The following AOPEP variants were observed in gnomAD, a reference collection of about 807,000 sequenced individuals.
AOPEP encodes the protein aminopeptidase O (putative).
A neutral mutation model predicts 98.1 loss-of-function variants in AOPEP; 77 were observed. The observed-to-expected ratio is 0.78, with a 90% CI of 0.65 to 0.95. The LOEUF is 0.95. AOPEP is among the 40% of genes least tolerant of loss of function. The probability of loss-of-function intolerance (pLI) is 0.00; values close to 1 mark genes in which losing one functional copy is unlikely to be tolerated. For missense variants in AOPEP, 1,024 were observed against 1,024.7 expected (o/e 1.00, Z 0.01); for synonymous variants, 346 against 365.3 (o/e 0.95, Z 0.60).
At position 95,086,406 on chromosome 9, in the gene AOPEP, T is replaced by TA. The variant is rs2070705508; in HGVS notation, c.*5-275dup. ...TGAGCTGAGACTTTCTGAGAACAGT[T>TA]AGAGTGGGTGCGTGTCTGAAATGGG... On this transcript the variant is annotated intron_variant, in intron 16 of 16. Coordinates refer to ENST00000375315, the MANE Select transcript of AOPEP (RefSeq NM_001193329.3). 17 of 985,338 alleles carry TA rather than the reference T, an allele frequency of 1.7e-5. No individual in the cohort carries two copies. The South Asian group carries it at 1.9e-4, about 11-fold the overall frequency. The allele number at this position is 985,338 out of a possible 1,614,324, so 61.0% of individuals were successfully genotyped here.
At chr9:94,939,796 A>T (rs1009113052) in intron 7 of AOPEP, among the ~76,000 whole-genome samples, 5 of 152,172 alleles carry the variant, frequency 3.3e-5, no homozygotes, top group African/African-American at 1.2e-4. Context: ...CCAAAATCTC[A>T]GGATGCATAG....
Position 94,977,537 on chromosome 9 carries a change from A to G in AOPEP, c.1917-1830A>G, listed in dbSNP as rs148817666. Among the ~76,000 whole-genome samples the G allele has an allele frequency of 1.6e-4, 24 of 152,262 alleles. No homozygotes were observed. In the East Asian group the frequency reaches 3.5e-3, roughly 22 times the overall value. ...GGTAAATAAAGCTTAAAAAAGAACA[A>G]TGACCTCATAGAAGGTGCTCTGAGA... On this transcript the variant is annotated intron_variant, in intron 10 of 16. Transcript: ENST00000375315.
At chr9:95,087,482 CA>C (rs746666179), downstream of AOPEP, among the ~76,000 whole-genome samples, 449 of 37,404 alleles carry the variant, frequency 0.012, no homozygotes, top group East Asian at 0.052. Context: ...GACTCCATCT[CA>C]AAAAAAAAAA....
chr9:94,763,583 T>C (rs761385195), intron 2 of AOPEP, among the ~76,000 whole-genome samples: 2 of 152,178 alleles, frequency 1.3e-5, no homozygotes, highest in Non-Finnish European at 2.9e-5. Context: ...TCTTAGTTTC[T>C]GATACCATTT....
intron 5 of AOPEP, among the ~76,000 whole-genome samples, chr9:94,869,026 C>T (rs957243280): frequency 6.6e-5 from 10 of 151,980 alleles, no homozygotes; most frequent in Non-Finnish European, 1.5e-5. Context: ...GTCAGGAGTT[C>T]GAGACCAGCC....
At chr9:94,903,912 A>AAAT (rs59958809) in intron 5 of AOPEP, among the ~76,000 whole-genome samples, 38 of 149,094 alleles carry the variant, frequency 2.5e-4, no homozygotes, top group African/African-American at 9.2e-4. Context: ...AAAAAAAAAA[A>AAAT]GTTCAAAAAA....
chr9:95,090,839 A>G (rs2070857271), downstream of AOPEP, among the ~76,000 whole-genome samples: 1 of 152,244 alleles, frequency 6.6e-6, no homozygotes. Flanking sequence ...ATTTTAAAGC[A>G]TTTATGTTTA....
chr9:94,906,090 C>A (rs1358190087), intron 5 of AOPEP, among the ~76,000 whole-genome samples: 1 of 151,946 alleles, frequency 6.6e-6, no homozygotes, highest in African/African-American at 2.4e-5. Flanking sequence ...ACCTATAATC[C>A]CAACACTTTG....
chr9:95,092,533 G>A, the AOPEP span, among the ~76,000 whole-genome samples: 30 of 152,372 alleles, frequency 2.0e-4, no homozygotes, highest in African/African-American at 7.0e-4. Flanking sequence ...GCACAGAGGC[G>A]ACTGGGTGTG....
chr9:94,746,878 C>G (rs1484720974), intron 1 of AOPEP, among the ~76,000 whole-genome samples: 1 of 152,026 alleles, frequency 6.6e-6, no homozygotes, highest in African/African-American at 2.4e-5. Context: ...GACCCCCTCC[C>G]CCCCACTTGA....
chr9:94,790,824 A>G (rs943280894), intron 3 of AOPEP, among the ~76,000 whole-genome samples: 3 of 151,860 alleles, frequency 2.0e-5, no homozygotes, highest in African/African-American at 7.3e-5. Flanking sequence ...GGGCATGTTA[A>G]TATTTCAGCT....
chr9:94,820,721 G>T (rs1280091692), intron 5 of AOPEP, among the ~76,000 whole-genome samples: 1 of 152,202 alleles, frequency 6.6e-6, no homozygotes, highest in East Asian at 1.9e-4. Flanking sequence ...TCCTTCACTA[G>T]TGCTTGGTAA....
At chr9:94,873,800 A>C (rs901704565) in intron 5 of AOPEP, among the ~76,000 whole-genome samples, 1 of 152,166 alleles carries the variant, frequency 6.6e-6, no homozygotes, top group Non-Finnish European at 1.5e-5. Flanking sequence ...TCTTTGTTTC[A>C]TCAAGATGCT....
At chr9:95,029,454 C>T (rs896736815) in intron 13 of AOPEP, among the ~76,000 whole-genome samples, 1 of 152,170 alleles carries the variant, frequency 6.6e-6, no homozygotes, top group African/African-American at 2.4e-5. Context: ...TCGAGATCCT[C>T]AAGTGTAAGT....
At chr9:94,874,412 T>G (rs1359592603) in intron 5 of AOPEP, among the ~76,000 whole-genome samples, 1 of 152,136 alleles carries the variant, frequency 6.6e-6, no homozygotes, top group Non-Finnish European at 1.5e-5. Flanking sequence ...ATTTTTATAA[T>G]GATAATACTT....
chr9:94,806,749 C>T lies in AOPEP; in HGVS notation c.1364+5747C>T, dbSNP rs1849343517. On this transcript the variant is annotated intron_variant, in intron 5 of 16. Transcript: ENST00000375315. The stretch of plus-strand genomic sequence containing the variant: ...CTGGTATTCATAAAGTGATGTTCTT[C>T]TGGGACCCTGAAAGCCCTTGGCCAG... Among the ~76,000 whole-genome samples the T allele has an allele frequency of 5.3e-5, 8 of 152,184 alleles. No individual in the cohort carries two copies. In the South Asian group the frequency reaches 1.7e-3, roughly 32 times the overall value.
At chr9:94,947,185 G>A (rs528466689) in intron 7 of AOPEP, among the ~76,000 whole-genome samples, 2 of 151,172 alleles carry the variant, frequency 1.3e-5, no homozygotes, top group Non-Finnish European at 1.5e-5. Context: ...GTTTCACTGT[G>A]TTAGCCAGGA....
chr9:94,756,497 A>G (rs974010841), intron 1 of AOPEP, among the ~76,000 whole-genome samples: 1 of 152,164 alleles, frequency 6.6e-6, no homozygotes, highest in African/African-American at 2.4e-5. Context: ...CCGCAACCCT[A>G]GGGATGTTTG....
At chr9:94,795,049 T>A (rs1401349482) in intron 4 of AOPEP, among the ~76,000 whole-genome samples, 1 of 152,176 alleles carries the variant, frequency 6.6e-6, no homozygotes, top group Non-Finnish European at 1.5e-5. Flanking sequence ...CTAAATATAA[T>A]CTCATTTAGT....
Sources: gnomAD v4.1 joint callset for allele counts (sites outside exome capture counted in the v4.1 genomes callset) on GRCh38, gnomAD v4.1.1 for gene constraint, MANE v1.5 for transcripts, NCBI Gene and HGNC (gene_info 2026-07-23, HGNC 2026-07-21) for gene names.